The following CCDC27 variants were observed in gnomAD, a reference collection of about 807,000 sequenced individuals.
The protein encoded by CCDC27 is coiled-coil domain containing 27, also known as coiled-coil domain-containing protein 27.
In CCDC27, 80 loss-of-function variants were observed where a neutral mutation model predicts 80.3. The observed-to-expected ratio is 1.00, with a 90% CI of 0.83 to 1.20. The LOEUF (loss-of-function observed/expected upper bound fraction) is 1.20. CCDC27 is among the 50% of genes most tolerant of loss of function. CCDC27 has a pLI of 0.00. For synonymous variants in CCDC27, 342 were observed against 334.3 expected, an observed-to-expected ratio of 1.02 and a Z score of -0.25; for missense variants, 815 against 809.4, an observed-to-expected ratio of 1.01 and a Z score of -0.08.
rs575308155 is a variant in CCDC27 at position 3,755,315 on chromosome 1, C to T, written c.443-142C>T. On this transcript the variant is annotated intron_variant, in intron 2 of 11. Transcript: ENST00000294600. Reference sequence around the variant, plus strand: ...GGATGAAGCCCACCCTTTGGTTCAGCCCTTGCTCAGTCCCATGCATCCATT... The same window carrying T: ...GGATGAAGCCCACCCTTTGGTTCAGTCCTTGCTCAGTCCCATGCATCCATT... 3.0e-3 allele frequency: 2,146 copies of T among 705,842 alleles called. 58 individuals carry two copies. In the South Asian group the frequency reaches 0.033, roughly 11 times the overall value. The allele number at this position is 705,842 out of a possible 1,614,324, so 43.7% of individuals were successfully genotyped here. A position where few individuals can be genotyped will look rare whatever the true frequency, so the allele number is the denominator to read the frequency against.
Position 3,763,374 on chromosome 1 carries a change from T to G in CCDC27, c.1221T>G (p.Phe407Leu). 5.0e-6 allele frequency: 8 copies of G among 1,612,866 alleles called. 1 individual carries two copies. The Admixed American group carries it at 1.2e-4, about 24-fold the overall frequency. Residue 407 changes from phenylalanine to leucine, a missense_variant, in exon 7 of 12, where the codon TTT (phenylalanine) becomes TTG (leucine). Coordinates refer to ENST00000294600, the MANE Select transcript of CCDC27 (RefSeq NM_152492.3). The surrounding 1 kb of genome is among the most constrained non-coding windows in gnomAD (Gnocchi z 7.5). ...GGGCCTCCTCCCTGGCCGAGTCGTT[T>G]GAGGAGGAGCTGCTGGCCCAGCTGG... is the stretch of plus-strand genomic sequence containing the variant. ...RRRASSLAESFEEELLAQLEE... is the reference protein window; with the variant it reads ...RRRASSLAESLEEELLAQLEE...
At position 3,752,545 on chromosome 1, in the gene CCDC27, C is replaced by T. The variant is rs759278758; in HGVS notation, c.64C>T (p.Pro22Ser). 6.2e-6 allele frequency: 10 copies of T among 1,614,068 alleles called. No individual in the cohort carries two copies. The East Asian group carries it at 1.8e-4, about 29-fold the overall frequency. Residue 22 changes from proline (P) to serine (S), a missense_variant, in exon 1 of 12, where the codon CCG (proline) becomes TCG (serine). By Grantham distance (74) the Pro-to-Ser change is moderately conservative. Coordinates refer to ENST00000294600, the MANE Select transcript of CCDC27 (RefSeq NM_152492.3). ...ARLKRDPREK[P>S]GLSSFRSTFR... The stretch of plus-strand genomic sequence containing the variant: ...GCTGAAGAGAGATCCACGGGAAAAG[C>T]CGGGCCTGTCCTCATTCAGGTCCAC...
chr1:3,765,247 G>A (rs1228091461), intron 8 of CCDC27, among the ~76,000 whole-genome samples: 1 of 152,170 alleles, frequency 6.6e-6, no homozygotes, highest in African/African-American at 2.4e-5. Flanking sequence ...CTTCTGGGTT[G>A]GTTGTTCCTC....
chr1:3,763,561 G>A lies in CCDC27; in HGVS notation c.1321+87G>A, dbSNP rs1643148256. On this transcript the variant is annotated intron_variant, in intron 7 of 11. Coordinates refer to ENST00000294600, the MANE Select transcript of CCDC27 (RefSeq NM_152492.3). The surrounding 1 kb of genome is among the most constrained non-coding windows in gnomAD (Gnocchi z 7.5). ...GGACGCCCAGACGCTGCCTGCTCTG[G>A]TCAGTGAGCTGGAGCAGGGGCAGGT... 1.9e-6 allele frequency: 3 copies of A among 1,552,684 alleles called. No individual in the cohort carries two copies. The South Asian group carries it at 3.7e-5, about 19-fold the overall frequency.
intron 3 of CCDC27, 109 bp downstream of exon 3, chr1:3,755,676 T>C (rs2124590105): frequency 1.1e-6 from 1 of 933,028 alleles, no homozygotes; most frequent in Admixed American, 1.8e-5. Context: ...CCCGGGACTG[T>C]CTGCCTCCTG....
At position 3,766,424 on chromosome 1, in the gene CCDC27, CGCT is replaced by C. The variant is rs1315168939; in HGVS notation, c.1453-107_1453-105del. ...TTCTCCCTGCCTTCAATAGAAATCCCGCTGCTATTATTTTAGGGAGCTTTGGGG... is the reference window on the plus strand; with the variant it reads ...TTCTCCCTGCCTTCAATAGAAATCCCGCTATTATTTTAGGGAGCTTTGGGG... On this transcript the variant is annotated intron_variant, in intron 8 of 11. Transcript: ENST00000294600. This position sits in a 1 kb window ranked among gnomAD's most constrained non-coding sequence, Gnocchi z 6.1. The C allele has an allele frequency of 1.5e-5, 10 of 665,506 alleles. No individual in the cohort carries two copies. The highest frequency in any genetic ancestry group is 2.6e-5 in the Non-Finnish European group (10 of 381,870). The allele number at this position is 665,506 out of a possible 1,614,324, so 41.2% of individuals were successfully genotyped here.
chr1:3,768,058 T>C lies in CCDC27; in HGVS notation c.1743+613T>C, dbSNP rs1349274139. On this transcript the variant is annotated intron_variant, in intron 10 of 11. Coordinates refer to ENST00000294600, the MANE Select transcript of CCDC27 (RefSeq NM_152492.3). The surrounding 1 kb of genome is among the most constrained non-coding windows in gnomAD (Gnocchi z 5.6). ...GTGTGCCCTGCTTGTGAGGGCCCCA[T>C]GCCAAAAAGGAAATCAATAAAGAGC... is the stretch of plus-strand genomic sequence containing the variant. Among the ~76,000 whole-genome samples the C allele has an allele frequency of 6.7e-6, 1 of 149,542 alleles. No homozygotes were observed. The highest frequency in any genetic ancestry group is 1.5e-5 in the Non-Finnish European group (1 of 67,644).
At chr1:3,756,473 C>T in intron 3 of CCDC27, 1 of 358,510 alleles carries the variant, frequency 2.8e-6, no homozygotes, top group East Asian at 5.8e-5. Flanking sequence ...TCCTGGGTGT[C>T]TCGGCCAGAG....
intron 11 of CCDC27, among the ~76,000 whole-genome samples, chr1:3,770,826 G>C (rs1172229933): frequency 6.7e-6 from 1 of 150,086 alleles, no homozygotes; most frequent in Non-Finnish European, 1.5e-5. Context: ...AGAGAAAGAG[G>C]AAGAGAAGAG....
Position 3,766,537 on chromosome 1 carries a change from C to T in CCDC27, c.1455C>T (p.Phe485=), listed in dbSNP as rs1643231040. 2.5e-6 allele frequency: 4 copies of T among 1,612,974 alleles called. No homozygotes were observed. Among genetic ancestry groups the T allele is most frequent in the Non-Finnish European group, 3.4e-6 (4 of 1,179,452 alleles). Residue 485 remains phenylalanine (F), a splice_region_variant and synonymous_variant, in exon 9 of 12, where the codon TTC becomes TTT. Coordinates refer to ENST00000294600, the MANE Select transcript of CCDC27 (RefSeq NM_152492.3). This position sits in a 1 kb window ranked among gnomAD's most constrained non-coding sequence, Gnocchi z 6.1. ...RQQLQAMTDK[F]SNLREDKKHQ... ...CCAACCCTTCTGTCTCCTTCCAGTT[C>T]TCCAACCTCCGAGAAGATAAGAAAC...
In CCDC27 at chr1:3,769,905, G is replaced by A. The variant is rs754710414; in HGVS notation, c.1848+18G>A. On this transcript the variant is annotated intron_variant, in intron 11 of 11. Coordinates refer to ENST00000294600, the MANE Select transcript of CCDC27 (RefSeq NM_152492.3). The surrounding 1 kb of genome is among the most constrained non-coding windows in gnomAD (Gnocchi z 4.6). ...CCCTGCAGGTATACCCCTAAGCTCAGCTGCCTCTATCCGGGCCCCAGACCC... is the reference window on the plus strand; with the variant it reads ...CCCTGCAGGTATACCCCTAAGCTCAACTGCCTCTATCCGGGCCCCAGACCC... The A allele has an allele frequency of 1.3e-6, 2 of 1,593,802 alleles. No individual in the cohort carries two copies. The highest frequency in any genetic ancestry group is 3.3e-5 in the Admixed American group (2 of 59,988).
In CCDC27 at chr1:3,763,984, T is replaced by C. The variant is rs1281119984; in HGVS notation, c.1452+148T>C. 22 of 1,362,862 alleles carry C rather than the reference T, an allele frequency of 1.6e-5. No homozygotes were observed. The African/African-American group carries it at 2.9e-4, about 18-fold the overall frequency. The allele number at this position is 1,362,862 out of a possible 1,614,324, so 84.4% of individuals were successfully genotyped here. On this transcript the variant is annotated intron_variant, in intron 8 of 11. Coordinates refer to ENST00000294600, the MANE Select transcript of CCDC27 (RefSeq NM_152492.3). This position sits in a 1 kb window ranked among gnomAD's most constrained non-coding sequence, Gnocchi z 7.5. ...TGTCCAGGCAGCTGGCCCAGGGTTGTGCGGCTGATAGCGGCCCCGCTAGGA... is the reference window on the plus strand; with the variant it reads ...TGTCCAGGCAGCTGGCCCAGGGTTGCGCGGCTGATAGCGGCCCCGCTAGGA...
chr1:3,755,390 C>A, intron 2 of CCDC27, 67 bp from the exon 3 acceptor site: 1 of 1,329,676 alleles, frequency 7.5e-7, no homozygotes, highest in South Asian at 1.2e-5. Flanking sequence ...AAATAAGAGT[C>A]TGCCCTGGAG....
Position 3,768,017 on chromosome 1 carries a change from C to T in CCDC27, c.1743+572C>T, listed in dbSNP as rs991352761. Among the ~76,000 whole-genome samples the T allele has an allele frequency of 2.6e-5, 4 of 151,696 alleles. No individual in the cohort carries two copies. Among genetic ancestry groups the T allele is most frequent in the East Asian group, 1.9e-4 (1 of 5,162 alleles). ...GGCTCCACTGGGGTGTCATATGAAA[C>T]GTGAGCAAGGCCAGAGTGTGCCCTG... On this transcript the variant is annotated intron_variant, in intron 10 of 11. Coordinates refer to ENST00000294600, the MANE Select transcript of CCDC27 (RefSeq NM_152492.3). This position sits in a 1 kb window ranked among gnomAD's most constrained non-coding sequence, Gnocchi z 5.6.
intron 10 of CCDC27, 91 bp downstream of exon 10, chr1:3,767,536 G>A: frequency 8.4e-7 from 1 of 1,192,312 alleles, no homozygotes; most frequent in Non-Finnish European, 1.2e-6. Flanking sequence ...GGTAGAACCG[G>A]GGTCTGTGTA....
chr1:3,752,528 G>A lies in CCDC27; in HGVS notation c.47G>A (p.Arg16Lys), dbSNP rs1181623141. 3.1e-6 allele frequency: 5 copies of A among 1,614,038 alleles called. No homozygotes were observed. Among genetic ancestry groups the A allele is most frequent in the East Asian group, 2.2e-5 (1 of 44,896 alleles). The change falls in exon 1 of 12, where the codon AGA (arginine) becomes AAA (lysine). Residue 16 changes from arginine (R) to lysine (K), a missense_variant. Transcript: ENST00000294600. ...FPSTPQARLK[R>K]DPREKPGLSS... ...TCCACACCCCAAGCCAGGCTGAAGA[G>A]AGATCCACGGGAAAAGCCGGGCCTG...
rs906151138 is a variant in CCDC27 at position 3,769,593 on chromosome 1, G to A, written c.1744-190G>A. Among the ~76,000 whole-genome samples the A allele has an allele frequency of 5.3e-5, 8 of 152,074 alleles. No individual in the cohort carries two copies. Among genetic ancestry groups the A allele is most frequent in the African/African-American group, 1.4e-4 (6 of 41,386 alleles). Reference sequence around the variant, plus strand: ...CCGCACAGGGTCAGGGGTTGGATCCGGCACCTCCTAGCTCTCAGACAATCC... The same window carrying A: ...CCGCACAGGGTCAGGGGTTGGATCCAGCACCTCCTAGCTCTCAGACAATCC... On this transcript the variant is annotated intron_variant, in intron 10 of 11. Coordinates refer to ENST00000294600, the MANE Select transcript of CCDC27 (RefSeq NM_152492.3). The surrounding 1 kb of genome is among the most constrained non-coding windows in gnomAD (Gnocchi z 4.6).
intron 2 of CCDC27, 22 bp downstream of exon 2, chr1:3,754,263 C>T (rs759930374): frequency 1.9e-5 from 29 of 1,556,294 alleles, no homozygotes; most frequent in Admixed American, 3.8e-5. Context: ...CCACCAGGAC[C>T]GCCTGTGAAA....
chr1:3,764,212 C>T (rs145890377), intron 8 of CCDC27, among the ~76,000 whole-genome samples: 48 of 152,304 alleles, frequency 3.2e-4, no homozygotes, highest in African/African-American at 1.0e-3. Flanking sequence ...CCACTCTTGT[C>T]GTTTTTGTTA....
Sources: allele counts gnomAD v4.1 joint callset (sites outside exome capture counted in the v4.1 genomes callset), GRCh38; gene constraint gnomAD v4.1.1; non-coding constraint Gnocchi (gnomAD v3.1); transcripts MANE v1.5; gene names NCBI Gene and HGNC (gene_info 2026-07-23, HGNC 2026-07-21).